The following NAV3 variants were observed in gnomAD, a reference collection of about 807,000 sequenced individuals.
NAV3 encodes the protein neuron navigator 3.
In NAV3, 87 loss-of-function variants were observed where a neutral mutation model predicts 244.7. That is an observed-to-expected ratio of 0.36 (90% CI 0.30 to 0.42). The LOEUF (loss-of-function observed/expected upper bound fraction) is 0.42. Ranked by LOEUF, NAV3 falls within the 20% of genes least tolerant of loss-of-function variation. The pLI, the probability that NAV3 is intolerant of heterozygous loss-of-function variation, is 1.00. For synonymous variants in NAV3, 1,126 were observed against 1,042.2 expected, an observed-to-expected ratio of 1.08 and a Z score of -1.55; for missense variants, 2,663 against 2,893.3, an observed-to-expected ratio of 0.92 and a Z score of 1.83.
intron 2 of NAV3, among the ~76,000 whole-genome samples, chr12:77,797,658 T>C (rs975587906): frequency 2.0e-5 from 3 of 148,204 alleles, no homozygotes; most frequent in Non-Finnish European, 3.0e-5. Flanking sequence ...CTGGCCAATA[T>C]GGTGAAACCC....
intron 3 of NAV3, among the ~76,000 whole-genome samples, chr12:77,951,774 A>T (rs534238688): frequency 6.6e-6 from 1 of 152,220 alleles, no homozygotes; most frequent in Non-Finnish European, 1.5e-5. Context: ...TTGTAGGGAC[A>T]TGGATGAAGC....
chr12:77,819,219 A>G (rs973794420), intron 2 of NAV3, among the ~76,000 whole-genome samples: 3 of 151,998 alleles, frequency 2.0e-5, no homozygotes, highest in African/African-American at 7.2e-5. Context: ...GTTTTATGAG[A>G]ACAATAGGAA....
intron 12 of NAV3, among the ~76,000 whole-genome samples, chr12:78,076,261 A>G (rs935257139): frequency 2.6e-5 from 4 of 152,170 alleles, no homozygotes; most frequent in African/African-American, 4.8e-5. Context: ...TGGAATACCA[A>G]TTCTGGTTTC....
In NAV3 at chr12:77,602,171, C is replaced by T. The variant is rs79046300; in HGVS notation, c.72+29905C>T. 3.7e-4 allele frequency among the ~76,000 whole-genome samples: 57 copies of T among 152,068 alleles called. No homozygotes were observed. In the East Asian group the frequency reaches 0.01, roughly 27 times the overall value. ...CATTCTATTGGCTACAATTTAGTCACATAGCCATTTCTAGGAGTAGGACAG... is the reference window on the plus strand; with the variant it reads ...CATTCTATTGGCTACAATTTAGTCATATAGCCATTTCTAGGAGTAGGACAG... On this transcript the variant is annotated intron_variant, in intron 2 of 8. Transcript: ENST00000550042.
intron 1 of NAV3, among the ~76,000 whole-genome samples, chr12:77,856,713 G>A (rs1878446394): frequency 6.6e-6 from 1 of 151,938 alleles, no homozygotes; most frequent in Non-Finnish European, 1.5e-5. Flanking sequence ...CTTGAAAGGA[G>A]GAATAATACA....
At chr12:77,661,336 T>C (rs931835419) in intron 2 of NAV3, among the ~76,000 whole-genome samples, 1 of 152,108 alleles carries the variant, frequency 6.6e-6, no homozygotes, top group Non-Finnish European at 1.5e-5. Flanking sequence ...ACTAATGATG[T>C]TGAAAATGTT....
At chr12:78,168,941 C>T (rs987071477) in intron 24 of NAV3, 75 bp downstream of exon 24, 3 of 958,690 alleles carry the variant, frequency 3.1e-6, no homozygotes, top group African/African-American at 1.7e-5. Flanking sequence ...AGTAGAACTG[C>T]ATTTACTCAG....
chr12:77,610,112 T>G (rs1870847038), intron 2 of NAV3, among the ~76,000 whole-genome samples: 1 of 152,046 alleles, frequency 6.6e-6, no homozygotes, highest in Non-Finnish European at 1.5e-5. Context: ...CGTTCTTGAA[T>G]AGTCATTGTT....
At chr12:77,695,507 A>G (rs117205310) in intron 2 of NAV3, among the ~76,000 whole-genome samples, 5,040 of 152,134 alleles carry the variant, frequency 0.033, 162 homozygotes, top group Middle Eastern at 0.037. Flanking sequence ...CCATGGGTCT[A>G]TGTGTCTGTT....
At chr12:78,087,035 C>T (rs1050948272) in intron 12 of NAV3, among the ~76,000 whole-genome samples, 4 of 151,948 alleles carry the variant, frequency 2.6e-5, no homozygotes, top group Non-Finnish European at 5.9e-5. Flanking sequence ...TTGTGGTTTT[C>T]CTGTCAAATA....
At chr12:78,066,072 C>A (rs934925176) in intron 12 of NAV3, among the ~76,000 whole-genome samples, 1 of 152,026 alleles carries the variant, frequency 6.6e-6, no homozygotes, top group African/African-American at 2.4e-5. Context: ...CTCATGAATG[C>A]TATTAGTGTC....
At chr12:77,807,042 C>T (rs2222332) in intron 2 of NAV3, among the ~76,000 whole-genome samples, 51,745 of 151,996 alleles carry the variant, frequency 0.34, 10,167 homozygotes, top group East Asian at 0.47. Flanking sequence ...AAACATTCCT[C>T]CATCCATTTG....
chr12:77,574,080 A>G (rs1868961914), intron 2 of NAV3, among the ~76,000 whole-genome samples: 1 of 152,124 alleles, frequency 6.6e-6, no homozygotes, highest in African/African-American at 2.4e-5. Flanking sequence ...AGAAGTGTAA[A>G]AATACTACCT....
intron 24 of NAV3, among the ~76,000 whole-genome samples, chr12:78,172,231 T>C (rs1436809304): frequency 6.6e-6 from 1 of 151,676 alleles, no homozygotes; most frequent in African/African-American, 2.4e-5. Flanking sequence ...CCAAATATAG[T>C]TGGATAACGC....
chr12:77,649,416 C>A (rs556775672), intron 2 of NAV3, among the ~76,000 whole-genome samples: 1 of 152,014 alleles, frequency 6.6e-6, no homozygotes, highest in Non-Finnish European at 1.5e-5. Flanking sequence ...TTATTCCATT[C>A]GTTCCATTGG....
intron 12 of NAV3, among the ~76,000 whole-genome samples, chr12:78,091,948 A>G (rs1197446199): frequency 1.3e-5 from 2 of 152,162 alleles, no homozygotes; most frequent in Admixed American, 6.5e-5. Flanking sequence ...CTCTAAATTA[A>G]AGAGTTGTCA....
intron 2 of NAV3, among the ~76,000 whole-genome samples, chr12:77,644,610 C>T (rs1030221269): frequency 6.6e-6 from 1 of 151,930 alleles, no homozygotes; most frequent in Non-Finnish European, 1.5e-5. Context: ...ATTTTTTTAT[C>T]AGGTTTTAAC....
At chr12:77,845,754 A>G (rs1876523049) in intron 1 of NAV3, among the ~76,000 whole-genome samples, 1 of 151,410 alleles carries the variant, frequency 6.6e-6, no homozygotes, top group South Asian at 2.1e-4. Flanking sequence ...CCTGGGTTCA[A>G]GTGATTCTCC....
intron 2 of NAV3, among the ~76,000 whole-genome samples, chr12:77,614,663 T>A (rs774692929): frequency 4.6e-5 from 7 of 152,164 alleles, no homozygotes; most frequent in Non-Finnish European, 8.8e-5. Context: ...AAAGCCTGGC[T>A]CTGGCCCTTC....
Sources: allele counts gnomAD v4.1 joint callset (sites outside exome capture counted in the v4.1 genomes callset), GRCh38; gene constraint gnomAD v4.1.1; transcripts MANE v1.5; gene names NCBI Gene and HGNC (gene_info 2026-07-23, HGNC 2026-07-21).